NRXN3: variants seen among roughly 807,000 people sequenced by gnomAD.
NRXN3 encodes neurexin 3, also known as neurexin III.
NRXN3 carries 32 observed loss-of-function variants against 137.6 expected under a neutral mutation model. The observed-to-expected ratio is 0.23, with a 90% CI of 0.18 to 0.31. The LOEUF (loss-of-function observed/expected upper bound fraction) is 0.31. Ranked by LOEUF, NRXN3 falls within the 10% of genes least tolerant of loss-of-function variation. The pLI is 1.00. For missense variants in NRXN3, 1,574 were observed against 2,062.5 expected, an observed-to-expected ratio of 0.76 and a Z score of 4.59; for synonymous variants, 798 against 784.5, an observed-to-expected ratio of 1.02 and a Z score of -0.29.
chr14:79,259,709 T>C lies in NRXN3; in HGVS notation c.3263-207512T>C, dbSNP rs909059888. 6.3e-4 allele frequency among the ~76,000 whole-genome samples: 88 copies of C among 139,764 alleles called. 1 individual carries two copies. The East Asian group carries it at 0.016, about 25-fold the overall frequency. 91.7% of individuals were successfully genotyped at this position (139,764 alleles called of 152,430 possible). ...TATATAGTTTATATATATAGTTTTA[T>C]ACACACACACACACACACACACACA... On this transcript the variant is annotated intron_variant, in intron 15 of 20. Coordinates refer to ENST00000335750, the MANE Select transcript of NRXN3 (RefSeq NM_001330195.2).
intron 4 of NRXN3, among the ~76,000 whole-genome samples, chr14:78,575,388 G>A (rs927853701): frequency 6.6e-6 from 1 of 152,136 alleles, no homozygotes; most frequent in Non-Finnish European, 1.5e-5. Context: ...GTACCTGAAT[G>A]ATGCAGCTTT....
chr14:78,262,792 G>C (rs546818969), intron 2 of NRXN3, among the ~76,000 whole-genome samples: 23 of 152,238 alleles, frequency 1.5e-4, no homozygotes, highest in Non-Finnish European at 2.4e-4. Flanking sequence ...TCTGAGGCTG[G>C]GGAGTCAGCC....
At chr14:79,266,526 C>T (rs1195902092) in intron 15 of NRXN3, among the ~76,000 whole-genome samples, 1 of 152,130 alleles carries the variant, frequency 6.6e-6, no homozygotes, top group African/African-American at 2.4e-5. Context: ...CAAAAAACAT[C>T]AGATGCATTT....
rs377295399 is a variant in NRXN3, at chr14:79,348,399, A to G, written c.3263-118822A>G. Among the ~76,000 whole-genome samples, 517 of 145,922 alleles carry G rather than the reference A, an allele frequency of 3.5e-3. 3 individuals are homozygous for G. Among genetic ancestry groups the G allele is most frequent in the African/African-American group, 0.013 (492 of 38,680 alleles). ...CTCTCTTTTTTTTTTTTTTTGAGAC[A>G]GAGTCTCGCTCTGTCGCCCAGGCTG... On this transcript the variant is annotated intron_variant, in intron 15 of 20. Coordinates refer to ENST00000335750, the MANE Select transcript of NRXN3 (RefSeq NM_001330195.2).
intron 4 of NRXN3, among the ~76,000 whole-genome samples, chr14:78,397,728 C>G (rs1402502101): frequency 1.3e-5 from 2 of 151,692 alleles, no homozygotes; most frequent in Non-Finnish European, 2.9e-5. Context: ...CTCAGCCTCC[C>G]AAGTAGCTGG....
intron 15 of NRXN3, among the ~76,000 whole-genome samples, chr14:79,436,316 T>C (rs1005895347): frequency 6.6e-6 from 1 of 152,246 alleles, no homozygotes; most frequent in Non-Finnish European, 1.5e-5. Flanking sequence ...TTGTTTGATT[T>C]GTAAAATAAA....
chr14:79,386,982 C>T (rs1036869835), intron 15 of NRXN3, among the ~76,000 whole-genome samples: 1 of 152,050 alleles, frequency 6.6e-6, no homozygotes, highest in African/African-American at 2.4e-5. Context: ...AATGTTAGAC[C>T]TAAAACCATA....
At chr14:78,950,119 G>A (rs942977610) in intron 10 of NRXN3, among the ~76,000 whole-genome samples, 1 of 152,136 alleles carries the variant, frequency 6.6e-6, no homozygotes, top group African/African-American at 2.4e-5. Context: ...AGTGGAGAAA[G>A]TTTCAGTATC....
At chr14:78,241,030 T>C (rs1293037245) in intron 1 of NRXN3, among the ~76,000 whole-genome samples, 1 of 152,186 alleles carries the variant, frequency 6.6e-6, no homozygotes, top group Non-Finnish European at 1.5e-5. Context: ...GAGTCTGCCC[T>C]CAGAAACCAG....
At chr14:78,696,716 T>C (rs1321084403) in intron 6 of NRXN3, among the ~76,000 whole-genome samples, 1 of 152,096 alleles carries the variant, frequency 6.6e-6, no homozygotes, top group Non-Finnish European at 1.5e-5. Context: ...AGGTGAATTA[T>C]TAATAGTGCC....
At chr14:79,839,779 G>T (rs2099351972) in intron 20 of NRXN3, among the ~76,000 whole-genome samples, 1 of 152,176 alleles carries the variant, frequency 6.6e-6, no homozygotes, top group African/African-American at 2.4e-5. Context: ...GAAAGCACTT[G>T]TAATTTAACA....
intron 14 of NRXN3, among the ~76,000 whole-genome samples, chr14:78,985,922 T>C (rs1477344834): frequency 6.6e-6 from 1 of 152,184 alleles, no homozygotes; most frequent in Non-Finnish European, 1.5e-5. Flanking sequence ...ACATGGCCAA[T>C]AGGAGCTGCA....
At chr14:79,094,337 A>G (rs1479639842) in intron 15 of NRXN3, among the ~76,000 whole-genome samples, 1 of 152,222 alleles carries the variant, frequency 6.6e-6, no homozygotes, top group Admixed American at 6.5e-5. Context: ...TCCAAAGGCA[A>G]GGACCACAAA....
chr14:78,935,168 A>G (rs1369633489), intron 10 of NRXN3, among the ~76,000 whole-genome samples: 1 of 152,132 alleles, frequency 6.6e-6, no homozygotes, highest in African/African-American at 2.4e-5. Context: ...CATGGCTTCC[A>G]TGACATCATA....
At chr14:79,004,459 G>T (rs866998888) in intron 15 of NRXN3, among the ~76,000 whole-genome samples, 1 of 152,146 alleles carries the variant, frequency 6.6e-6, no homozygotes, top group Non-Finnish European at 1.5e-5. Flanking sequence ...GCCCAGGCAG[G>T]TCTCAAACTC....
At chr14:78,415,481 A>T (rs2093082096) in intron 4 of NRXN3, among the ~76,000 whole-genome samples, 1 of 152,090 alleles carries the variant, frequency 6.6e-6, no homozygotes, top group African/African-American at 2.4e-5. Flanking sequence ...TAGCTTAGTC[A>T]TTTATGTGGT....
chr14:78,444,088 G>T (rs2094341145), intron 4 of NRXN3, among the ~76,000 whole-genome samples: 1 of 152,192 alleles, frequency 6.6e-6, no homozygotes, highest in Admixed American at 6.5e-5. Flanking sequence ...TCAAATCAGA[G>T]TTAGGGCTTA....
intron 15 of NRXN3, among the ~76,000 whole-genome samples, chr14:79,030,242 C>A (rs902441575): frequency 3.3e-5 from 5 of 151,836 alleles, no homozygotes; most frequent in Admixed American, 2.6e-4. Context: ...AGTAGCCCCC[C>A]CAACATAATT....
chr14:78,951,665 G>C (rs1169542937), intron 10 of NRXN3, among the ~76,000 whole-genome samples: 2 of 152,126 alleles, frequency 1.3e-5, no homozygotes, highest in African/African-American at 4.8e-5. Context: ...AAAGTAGACT[G>C]TAAACCATGT....
Sources: allele counts gnomAD v4.1 joint callset (sites outside exome capture counted in the v4.1 genomes callset), GRCh38; gene constraint gnomAD v4.1.1; transcripts MANE v1.5; gene names NCBI Gene and HGNC (gene_info 2026-07-23, HGNC 2026-07-21).